The following ANXA2 variants were observed in gnomAD, a reference collection of about 807,000 sequenced individuals.
ANXA2 encodes annexin A2, also known as annexin II.
In ANXA2, 28 loss-of-function variants were observed where a neutral mutation model predicts 47.3. The ratio of observed to expected loss-of-function variants is 0.59; its 90% CI spans 0.44 to 0.81. The LOEUF is 0.81. Among genes scored for constraint, ANXA2 ranks in the 40% least tolerant of loss-of-function variants. The probability of loss-of-function intolerance (pLI) is 0.00; values close to 1 mark genes in which losing one functional copy is unlikely to be tolerated. For synonymous variants in ANXA2, 172 were observed against 155.5 expected (o/e 1.11, Z -0.79); for missense variants, 384 against 414.3 (o/e 0.93, Z 0.64).
At position 60,354,209 on chromosome 15, in the gene ANXA2, C is replaced by T. The variant is rs1165464246; in HGVS notation, c.533G>A (p.Arg178Lys). Reference protein sequence around the residue: ...RKLMVALAKGRRAEDGSVIDY... With the variant: ...RKLMVALAKGKRAEDGSVIDY... The stretch of plus-strand genomic sequence containing the variant: ...AATGACAGAGCCATCCTCTGCTCTT[C>T]TACCCTATGGGGGAAAGAAAAAGAA... Residue 178 changes from arginine (R) to lysine (K), a missense_variant, in exon 8 of 13, where the codon AGA (arginine) becomes AAA (lysine). Transcript: ENST00000451270. The T allele has an allele frequency of 6.2e-7, 1 of 1,612,694 alleles. No homozygotes were observed. Among genetic ancestry groups the T allele is most frequent in the East Asian group, 2.2e-5 (1 of 44,878 alleles).
intron 1 of ANXA2, among the ~76,000 whole-genome samples, chr15:60,395,346 T>C (rs2063068254): frequency 6.6e-6 from 1 of 152,176 alleles, no homozygotes; most frequent in Non-Finnish European, 1.5e-5. Flanking sequence ...CAGTAGGTAA[T>C]TAATATTTTG....
At chr15:60,382,516 G>C in intron 2 of ANXA2, 75 bp from the exon 3 acceptor site, 1 of 1,066,306 alleles carries the variant, frequency 9.4e-7, no homozygotes, top group Non-Finnish European at 1.4e-6. Flanking sequence ...TGCCTAATAT[G>C]TTTTCCTATT....
At chr15:60,354,364 G>T in intron 7 of ANXA2, 151 bp from the exon 8 acceptor site, 1 of 694,266 alleles carries the variant, frequency 1.4e-6, no homozygotes, top group Non-Finnish European at 2.4e-6. Context: ...AGATGGGGCC[G>T]GGCACGGTGG....
intron 1 of ANXA2, among the ~76,000 whole-genome samples, chr15:60,388,531 A>G (rs1356733341): frequency 6.6e-6 from 1 of 151,884 alleles, no homozygotes; most frequent in East Asian, 1.9e-4. Context: ...TACAATTACA[A>G]CTATGATATG....
chr15:60,397,336 A>G (rs1163462722), intron 1 of ANXA2: 3 of 985,502 alleles, frequency 3.0e-6, no homozygotes, highest in African/African-American at 1.7e-5. Flanking sequence ...GCTACAAGAT[A>G]ACCTAGAGCA....
chr15:60,393,165 GAC>G, intron 1 of ANXA2: 1 of 1,248,648 alleles, frequency 8.0e-7, no homozygotes, highest in East Asian at 5.9e-5. Flanking sequence ...GAGCAGGAGG[GAC>G]ACACAGCACT....
chr15:60,396,816 T>C (rs1406358062), intron 1 of ANXA2, among the ~76,000 whole-genome samples: 2 of 152,208 alleles, frequency 1.3e-5, no homozygotes, highest in East Asian at 3.9e-4. Context: ...TTAAGGTTCT[T>C]GGTAATGGCC....
chr15:60,397,314 C>A, intron 1 of ANXA2: 1 of 985,550 alleles, frequency 1.0e-6, no homozygotes, highest in Non-Finnish European at 1.2e-6. Context: ...GAGTGAAATC[C>A]GAAGTTGCTA....
chr15:60,374,748 T>A, intron 3 of ANXA2: 1 of 455,864 alleles, frequency 2.2e-6, no homozygotes, highest in South Asian at 1.5e-5. Context: ...ACAGGGTGGC[T>A]GTGACTCAGC....
At chr15:60,354,619 C>CAAAAAAAAAAAAAAAAAAAAAAAAAA (rs5813019) in intron 7 of ANXA2, among the ~76,000 whole-genome samples, 2 of 109,286 alleles carry the variant, frequency 1.8e-5, no homozygotes, top group Non-Finnish European at 3.5e-5. Flanking sequence ...GACTCTGTCT[C>CAAAAAAAAAAAAAAAAAAAAAAAAAA]AAAAAAAAAA....
Position 60,351,696 on chromosome 15 carries a change from A to G in ANXA2, c.778+28T>C, listed in dbSNP as rs1192651035. 4.8e-6 allele frequency: 7 copies of G among 1,455,934 alleles called. No homozygotes were observed. The African/African-American group carries it at 9.8e-5, about 20-fold the overall frequency. The allele number at this position is 1,455,934 out of a possible 1,614,324, so 90.2% of individuals were successfully genotyped here. ...ACTTCTGCTCTGGTAGCTGATGTCT[A>G]CCAGGAATGGGGGCCACATTCACTT... On this transcript the variant is annotated intron_variant, in intron 10 of 12. Transcript: ENST00000451270.
At chr15:60,379,152 A>AGGTG (rs2062820951) in intron 3 of ANXA2, among the ~76,000 whole-genome samples, 1 of 134,164 alleles carries the variant, frequency 7.5e-6, no homozygotes, top group Non-Finnish European at 1.6e-5. Flanking sequence ...GGTGGCGCAC[A>AGGTG]CCTGTAATCC....
chr15:60,357,362 C>T (rs2062447189), intron 5 of ANXA2, 126 bp from the exon 6 acceptor site: 1 of 692,608 alleles, frequency 1.4e-6, no homozygotes, highest in East Asian at 2.7e-5. Flanking sequence ...TTCTACATTC[C>T]TTCTGAAGAA....
rs1280980326 is a variant in ANXA2, at chr15:60,361,048, C to CA, written c.249dup (p.Ala84CysfsTer27). ...GATAAGGCTGACTTCAGTGCTGATG[C>CA]AAGTTCCTTCAAGATAACAGGCAAT... On this transcript the variant is annotated frameshift_variant, in exon 5 of 13. Coordinates refer to ENST00000451270, the MANE Select transcript of ANXA2 (RefSeq NM_004039.3). LOFTEE classifies it high-confidence loss of function. 6.2e-7 allele frequency: 1 copy of CA among 1,604,422 alleles called. No homozygotes were observed. Among genetic ancestry groups the CA allele is most frequent in the African/African-American group, 1.3e-5 (1 of 74,772 alleles).
intron 1 of ANXA2, chr15:60,390,593 A>C (rs192417662): frequency 2.3e-5 from 7 of 306,604 alleles, no homozygotes; most frequent in African/African-American, 1.6e-4. Flanking sequence ...CCCCATCTGC[A>C]GATCTAAGAA....
At chr15:60,390,318 C>T in intron 1 of ANXA2, 1 of 1,052,968 alleles carries the variant, frequency 9.5e-7, no homozygotes, top group African/African-American at 1.7e-5. Flanking sequence ...CATTTTCACC[C>T]TAGAAATAAA....
chr15:60,390,140 T>C (rs2062988556), intron 1 of ANXA2: 1 of 293,998 alleles, frequency 3.4e-6, no homozygotes, highest in East Asian at 1.6e-4. Flanking sequence ...ATAACATTTA[T>C]ACTATGTATA....
intron 7 of ANXA2, chr15:60,355,509 C>T (rs1257979699): frequency 6.7e-6 from 2 of 300,536 alleles, no homozygotes; most frequent in Non-Finnish European, 1.3e-5. Flanking sequence ...CAACTCCACC[C>T]CAGACAAAGG....
intron 3 of ANXA2, among the ~76,000 whole-genome samples, chr15:60,369,158 T>A (rs186138911): frequency 1.3e-5 from 2 of 152,338 alleles, no homozygotes; most frequent in African/African-American, 4.8e-5. Context: ...ATGGATATAA[T>A]TAAGCTTTAA....
Sources: gnomAD v4.1 joint callset for allele counts (sites outside exome capture counted in the v4.1 genomes callset) on GRCh38, gnomAD v4.1.1 for gene constraint, MANE v1.5 for transcripts, NCBI Gene and HGNC (gene_info 2026-07-23, HGNC 2026-07-21) for gene names.